The following RHOBTB1 variants were observed in gnomAD, a reference collection of about 807,000 sequenced individuals.
The protein encoded by RHOBTB1 is rho-related BTB domain-containing protein 1.
RHOBTB1 carries 40 observed loss-of-function variants against 71.6 expected under a neutral mutation model. The ratio of observed to expected loss-of-function variants is 0.56; its 90% confidence interval spans 0.43 to 0.73. The LOEUF is 0.73. Among genes scored for constraint, RHOBTB1 ranks in the 30% least tolerant of loss-of-function variants. The pLI, the probability that RHOBTB1 is intolerant of heterozygous loss-of-function variation, is 0.00. For synonymous variants in RHOBTB1, 319 were observed against 334.9 expected (o/e 0.95, Z 0.52); for missense variants, 797 against 894.0 (o/e 0.89, Z 1.38).
At chr10:60,886,069 T>A in intron 7 of RHOBTB1, 43 bp downstream of exon 7, 1 of 1,396,028 alleles carries the variant, frequency 7.2e-7, no homozygotes, top group Non-Finnish European at 1.0e-6. Context: ...CAGGCACACA[T>A]ACATTCATAA....
At chr10:60,879,375 C>A (rs1296907951) in intron 7 of RHOBTB1, among the ~76,000 whole-genome samples, 4 of 152,142 alleles carry the variant, frequency 2.6e-5, no homozygotes, top group African/African-American at 9.7e-5. Flanking sequence ...GAGACAGGGT[C>A]TAACTCTGTT....
intron 1 of RHOBTB1, among the ~76,000 whole-genome samples, chr10:60,995,215 A>G (rs1459757473): frequency 6.6e-6 from 1 of 152,194 alleles, no homozygotes; most frequent in Non-Finnish European, 1.5e-5. Context: ...AAATTCTTAC[A>G]TGCTGGCAAA....
chr10:60,961,677 C>T (rs1004456785), intron 2 of RHOBTB1, among the ~76,000 whole-genome samples: 5 of 152,102 alleles, frequency 3.3e-5, no homozygotes, highest in African/African-American at 1.2e-4. Context: ...CTAGGATTAG[C>T]ATGAAGTTCA....
At chr10:60,969,467 G>A (rs898049359) in intron 2 of RHOBTB1, among the ~76,000 whole-genome samples, 1 of 152,066 alleles carries the variant, frequency 6.6e-6, no homozygotes, top group Non-Finnish European at 1.5e-5. Context: ...TTGAAGGAAG[G>A]AAAACAGAAG....
chr10:60,992,807 G>GA lies in RHOBTB1; in HGVS notation c.-162-6863dup, dbSNP rs941023524. 2.0e-5 allele frequency among the ~76,000 whole-genome samples: 3 copies of GA among 152,002 alleles called. No individual in the cohort carries two copies. The East Asian group carries it at 5.8e-4, about 29-fold the overall frequency. ...TCTGATTTTGATCTAACACAAAGGG[G>GA]AAAAAAACACATTCCATTTAAGAAT... On this transcript the variant is annotated intron_variant, in intron 1 of 11. Coordinates refer to the RHOBTB1 transcript ENST00000357917.
In RHOBTB1 at chr10:60,871,116, ATAC is replaced by A. The variant is rs755808166; in HGVS notation, c.*363_*365del. On this transcript the variant is annotated 3_prime_UTR_variant, in exon 11 of 11. Coordinates refer to ENST00000337910, the MANE Select transcript of RHOBTB1 (RefSeq NM_014836.5). ...TACACAGTATTTTCATTTCAACAAAATACAACAGACCATATAAAAATATTTTCC... is the reference window on the plus strand; with the variant it reads ...TACACAGTATTTTCATTTCAACAAAAAACAGACCATATAAAAATATTTTCC... 3.0e-4 allele frequency: 53 copies of A among 179,290 alleles called. No homozygotes were observed. Among genetic ancestry groups the A allele is most frequent in the Non-Finnish European group, 5.2e-4 (45 of 85,906 alleles). 11.1% of individuals were successfully genotyped at this position (179,290 alleles called of 1,614,324 possible).
chr10:60,867,562 T>C (rs539157727), downstream of RHOBTB1, among the ~76,000 whole-genome samples: 1 of 152,364 alleles, frequency 6.6e-6, no homozygotes, highest in Admixed American at 6.5e-5. Context: ...CGTCTGTGGA[T>C]ATGCAACTGC....
At chr10:60,954,827 A>T (rs1441980289) in intron 2 of RHOBTB1, among the ~76,000 whole-genome samples, 1 of 152,102 alleles carries the variant, frequency 6.6e-6, no homozygotes, top group Non-Finnish European at 1.5e-5. Context: ...TGAAACTATT[A>T]AAAAAAGGGA....
At chr10:60,985,218 T>A (rs562617152) in intron 2 of RHOBTB1, among the ~76,000 whole-genome samples, 26 of 115,170 alleles carry the variant, frequency 2.3e-4, no homozygotes, top group Non-Finnish European at 3.6e-4. Flanking sequence ...ACAAATAATT[T>A]TATGGGTGGA....
intron 2 of RHOBTB1, among the ~76,000 whole-genome samples, chr10:60,970,309 C>T (rs2086110763): frequency 6.6e-6 from 1 of 152,038 alleles, no homozygotes; most frequent in Non-Finnish European, 1.5e-5. Context: ...GTGGTAGTCA[C>T]AGCTTATATT....
At chr10:60,888,094 GA>G in intron 6 of RHOBTB1, 117 bp downstream of exon 6, 1 of 1,184,110 alleles carries the variant, frequency 8.4e-7, no homozygotes, top group South Asian at 1.6e-5. Flanking sequence ...AGGTACATGG[GA>G]AAAAATAAGT....
chr10:60,978,646 A>G (rs1215572936), intron 2 of RHOBTB1, among the ~76,000 whole-genome samples: 1 of 152,152 alleles, frequency 6.6e-6, no homozygotes, highest in Non-Finnish European at 1.5e-5. Context: ...CTAGAGATAA[A>G]TCAAGCTTTT....
intron 2 of RHOBTB1, among the ~76,000 whole-genome samples, chr10:60,917,774 A>G (rs2083345112): frequency 6.6e-6 from 1 of 151,164 alleles, no homozygotes; most frequent in Non-Finnish European, 1.5e-5. Context: ...CTCTGTGCCT[A>G]TACACACGCC....
intron 1 of RHOBTB1, among the ~76,000 whole-genome samples, chr10:61,001,107 C>G (rs2087251258): frequency 6.6e-6 from 1 of 151,946 alleles, no homozygotes; most frequent in African/African-American, 2.4e-5. Flanking sequence ...TGCTGGGGGA[C>G]GCTTAGGTAG....
chr10:60,950,487 A>G (rs970005000), intron 2 of RHOBTB1, among the ~76,000 whole-genome samples: 3 of 152,196 alleles, frequency 2.0e-5, no homozygotes, highest in Non-Finnish European at 4.4e-5. Flanking sequence ...CAAAAACGAA[A>G]CAAAGATTAA....
At chr10:60,967,891 G>A (rs2086024830) in intron 2 of RHOBTB1, among the ~76,000 whole-genome samples, 1 of 152,070 alleles carries the variant, frequency 6.6e-6, no homozygotes, top group African/African-American at 2.4e-5. Flanking sequence ...CACTCAAAAT[G>A]TCCCTGTTCT....
In RHOBTB1 at chr10:60,888,128, T is replaced by C. The variant is rs1333107134; in HGVS notation, c.1456+84A>G. ...AGTACGTATAAATGTTAGCTATCGT[T>C]CTTCTTTCTCCTGCTCATGTCTGGC... is the stretch of plus-strand genomic sequence containing the variant. On this transcript the variant is annotated intron_variant, in intron 6 of 10. Transcript: ENST00000337910. 6 of 1,452,146 alleles carry C rather than the reference T, an allele frequency of 4.1e-6. No individual in the cohort carries two copies. The African/African-American group carries it at 8.6e-5, about 21-fold the overall frequency. 90.0% of individuals were successfully genotyped at this position (1,452,146 alleles called of 1,614,324 possible).
At chr10:60,902,852 C>T (rs1333504596) in intron 4 of RHOBTB1, among the ~76,000 whole-genome samples, 3 of 152,164 alleles carry the variant, frequency 2.0e-5, no homozygotes, top group Non-Finnish European at 4.4e-5. Context: ...GATCCTGGAA[C>T]ACATGAGAGA....
intron 4 of RHOBTB1, among the ~76,000 whole-genome samples, chr10:60,896,156 T>A (rs1288673355): frequency 6.6e-6 from 1 of 152,082 alleles, no homozygotes; most frequent in Non-Finnish European, 1.5e-5. Context: ...ATTAAATAAC[T>A]TTTAATCAAA....
Sources: allele counts gnomAD v4.1 joint callset (sites outside exome capture counted in the v4.1 genomes callset), GRCh38; gene constraint gnomAD v4.1.1; transcripts MANE v1.5; gene names NCBI Gene and HGNC (gene_info 2026-07-23, HGNC 2026-07-21).